The following HIPK2 variants were observed in gnomAD, a reference collection of about 807,000 sequenced individuals.
The protein encoded by HIPK2 is homeodomain-interacting protein kinase 2.
A neutral mutation model predicts 113.7 loss-of-function variants in HIPK2; 27 were observed. The ratio of observed to expected loss-of-function variants is 0.24; its 90% confidence interval spans 0.17 to 0.33. The LOEUF is 0.33. Ranked by LOEUF, HIPK2 falls within the 10% of genes least tolerant of loss-of-function variation. HIPK2 has a pLI of 1.00. For synonymous variants in HIPK2, 631 were observed against 642.2 expected (o/e 0.98, Z 0.26); for missense variants, 1,257 against 1,588.0 (o/e 0.79, Z 3.54).
rs1028887201 is a variant in HIPK2, at chr7:139,661,401, A to C, written c.1104-29676T>G. Among the ~76,000 whole-genome samples the C allele has an allele frequency of 3.5e-4, 54 of 152,226 alleles. 2 individuals are homozygous for C. Among genetic ancestry groups the C allele is most frequent in the Admixed American group, 9.8e-4 (15 of 15,282 alleles). ...CTAAGTATGCCCACTGGAGAAGTGC[A>C]GGATAAGTCTACCCATCTGTGGTGT... On this transcript the variant is annotated intron_variant, in intron 2 of 14. Transcript: ENST00000406875.
chr7:139,668,744 ATTC>A, intron 2 of HIPK2, among the ~76,000 whole-genome samples: 1 of 152,336 alleles, frequency 6.6e-6, no homozygotes. Context: ...TACAAATGCT[ATTC>A]AAAATTTCTG....
At chr7:139,588,513 T>C (rs895234091) in intron 12 of HIPK2, among the ~76,000 whole-genome samples, 1 of 124,996 alleles carries the variant, frequency 8.0e-6, no homozygotes, top group Non-Finnish European at 1.7e-5. Context: ...CAGACTGTCT[T>C]AAAAAAAAAA....
intron 1 of HIPK2, among the ~76,000 whole-genome samples, chr7:139,733,945 A>AC (rs1189048604): frequency 1.3e-5 from 2 of 152,126 alleles, no homozygotes; most frequent in African/African-American, 4.8e-5. Context: ...AAGAGCAGAG[A>AC]CCCCAGCTGA....
chr7:139,613,151 C>CAGGTA lies in HIPK2; in HGVS notation c.2112+50_2112+51insTACCT. 1 of 1,605,836 alleles carries CAGGTA rather than the reference C, an allele frequency of 6.2e-7. No homozygotes were observed. On this transcript the variant is annotated intron_variant, in intron 9 of 14. Transcript: ENST00000406875. The surrounding 1 kb of genome is among the most constrained non-coding windows in gnomAD (Gnocchi z 4.2). ...GGAGATATATATCTTTTGTGAACAA[C>CAGGTA]ATTAACACAGGTAATGGTAATACCA... is the stretch of plus-strand genomic sequence containing the variant.
At chr7:139,775,518 G>A (rs1462086558) in intron 1 of HIPK2, among the ~76,000 whole-genome samples, 1 of 152,124 alleles carries the variant, frequency 6.6e-6, no homozygotes, top group Admixed American at 6.5e-5. Context: ...TAAACATCCG[G>A]AATAAAAGGG....
intron 2 of HIPK2, among the ~76,000 whole-genome samples, chr7:139,693,818 T>C (rs1794485760): frequency 6.6e-6 from 1 of 152,130 alleles, no homozygotes; most frequent in South Asian, 2.1e-4. Flanking sequence ...TCTCCAATAA[T>C]GTGTGACTCA....
Position 139,714,076 on chromosome 7 carries a change from G to A in HIPK2, c.1103+1856C>T, listed in dbSNP as rs533332233. On this transcript the variant is annotated intron_variant, in intron 2 of 14. Transcript: ENST00000406875. This position sits in a 1 kb window ranked among gnomAD's most constrained non-coding sequence, Gnocchi z 4.2. ...ACAGAGTGGATGGCCTGGTCAGGAC[G>A]AGGGAGTGGAGAGCAAGTGGAGGGG... Among the ~76,000 whole-genome samples, 6 of 152,312 alleles carry A rather than the reference G, an allele frequency of 3.9e-5. No homozygotes were observed. Among genetic ancestry groups the A allele is most frequent in the African/African-American group, 1.4e-4 (6 of 41,576 alleles).
chr7:139,771,374 C>A (rs1187266510), intron 1 of HIPK2, among the ~76,000 whole-genome samples: 1 of 151,602 alleles, frequency 6.6e-6, no homozygotes. Flanking sequence ...GGGTGAAATG[C>A]AAAGTGATCA....
chr7:139,597,882 C>T lies in HIPK2; in HGVS notation c.2436-884G>A, dbSNP rs145965135. On this transcript the variant is annotated intron_variant, in intron 11 of 14. Coordinates refer to ENST00000406875, the MANE Select transcript of HIPK2 (RefSeq NM_022740.5). ...TCTGGCACAGGGTGAACATCTTTTA[C>T]CTGAAATGCTTGGTCCAGAAGTGTT... 4.6e-3 allele frequency among the ~76,000 whole-genome samples: 694 copies of T among 152,256 alleles called. 7 individuals carry two copies. The highest frequency in any genetic ancestry group is 0.016 in the African/African-American group (651 of 41,546).
intron 1 of HIPK2, among the ~76,000 whole-genome samples, chr7:139,756,382 A>T (rs1485956187): frequency 6.6e-6 from 1 of 151,326 alleles, no homozygotes; most frequent in African/African-American, 2.4e-5. Flanking sequence ...GTTCTCTCTC[A>T]CTCTTTTTAA....
intron 2 of HIPK2, among the ~76,000 whole-genome samples, chr7:139,681,597 C>T (rs1271357232): frequency 1.3e-5 from 2 of 152,156 alleles, no homozygotes; most frequent in African/African-American, 2.4e-5. Context: ...CACCTGAGAA[C>T]AAAGCCTCCT....
intron 1 of HIPK2, among the ~76,000 whole-genome samples, chr7:139,760,300 G>A (rs936384664): frequency 3.3e-5 from 5 of 149,988 alleles, no homozygotes; most frequent in Non-Finnish European, 7.4e-5. Flanking sequence ...CACCGCACCC[G>A]GCCCACATCT....
At chr7:139,672,694 A>G (rs1375240444) in intron 2 of HIPK2, among the ~76,000 whole-genome samples, 5 of 152,156 alleles carry the variant, frequency 3.3e-5, no homozygotes, top group Non-Finnish European at 5.9e-5. Context: ...TCCTGACCTC[A>G]GGTGATCCAC....
At chr7:139,706,476 T>C (rs570120049) in intron 2 of HIPK2, among the ~76,000 whole-genome samples, 1 of 152,358 alleles carries the variant, frequency 6.6e-6, no homozygotes, top group South Asian at 2.1e-4. Flanking sequence ...CATTCATTAA[T>C]GCATGCAGGC....
chr7:139,727,024 A>G (rs983596288), intron 1 of HIPK2, among the ~76,000 whole-genome samples: 3 of 152,180 alleles, frequency 2.0e-5, no homozygotes, highest in African/African-American at 7.2e-5. Context: ...GAAAAAAGCC[A>G]GGTTAGGGAA....
chr7:139,664,691 G>A (rs1053397880), intron 2 of HIPK2, among the ~76,000 whole-genome samples: 23 of 152,160 alleles, frequency 1.5e-4, no homozygotes, highest in East Asian at 1.9e-4. Flanking sequence ...GAGTGGCTCT[G>A]AGCTGTACTG....
intron 2 of HIPK2, among the ~76,000 whole-genome samples, chr7:139,667,370 A>G (rs1316941326): frequency 6.6e-6 from 1 of 152,238 alleles, no homozygotes; most frequent in Non-Finnish European, 1.5e-5. Flanking sequence ...TTAAAAAATT[A>G]ATTACTTATA....
intron 2 of HIPK2, among the ~76,000 whole-genome samples, chr7:139,713,606 C>T (rs1304399083): frequency 1.3e-5 from 2 of 152,182 alleles, no homozygotes; most frequent in Admixed American, 6.5e-5. Context: ...TTTTACAAGT[C>T]GCCATGCTAG....
At chr7:139,732,192 C>T (rs1007369116) in intron 1 of HIPK2, among the ~76,000 whole-genome samples, 44 of 152,238 alleles carry the variant, frequency 2.9e-4, no homozygotes, top group African/African-American at 1.0e-3. Flanking sequence ...TAAATAGGTG[C>T]TTTTGTGTGT....
Sources: gnomAD v4.1 joint callset for allele counts (sites outside exome capture counted in the v4.1 genomes callset) on GRCh38, gnomAD v4.1.1 for gene constraint, Gnocchi (gnomAD v3.1) non-coding constraint, MANE v1.5 for transcripts, NCBI Gene and HGNC (gene_info 2026-07-23, HGNC 2026-07-21) for gene names.